PRAMEF17: variants seen among roughly 807,000 people sequenced by gnomAD.
PRAMEF17 encodes PRAME family member 17.
Under a neutral mutation model 36.8 loss-of-function variants are expected in PRAMEF17, and 48 were observed. The ratio of observed to expected loss-of-function variants is 1.30; its 90% confidence interval spans 1.03 to 1.66. The LOEUF (loss-of-function observed/expected upper bound fraction) is 1.66. Ranked by LOEUF, PRAMEF17 falls within the 40% of genes most tolerant of loss-of-function variation. PRAMEF17 has a pLI of 0.00. For missense variants in PRAMEF17, 639 were observed against 560.6 expected, an observed-to-expected ratio of 1.14 and a Z score of -1.41; for synonymous variants, 246 against 220.4, an observed-to-expected ratio of 1.12 and a Z score of -1.03.
In PRAMEF17 at chr1:13,392,531, C is replaced by A; in HGVS notation, c.*29C>A. The A allele has an allele frequency of 2.5e-5, 40 of 1,611,758 alleles. No homozygotes were observed. Among genetic ancestry groups the A allele is most frequent in the Non-Finnish European group, 3.2e-5 (38 of 1,179,796 alleles). On this transcript the variant is annotated 3_prime_UTR_variant, in exon 3 of 3. Coordinates refer to ENST00000376098, the MANE Select transcript of PRAMEF17 (RefSeq NM_001099851.3). ...AGGCCTGATTAGTGGGATGGATATG[C>A]TTTCTTCAGGACCCTTAGGCACTAA...
chr1:13,391,871 C>A, intron 2 of PRAMEF17, 73 bp from the exon 3 acceptor site: 4 of 1,580,320 alleles, frequency 2.5e-6, no homozygotes, highest in East Asian at 4.5e-5. Flanking sequence ...TTCAAGTTTA[C>A]CATTGAGATG....
intron 2 of PRAMEF17, 36 bp from the exon 3 acceptor site, chr1:13,391,908 C>T: frequency 6.2e-7 from 1 of 1,605,438 alleles, no homozygotes; most frequent in Non-Finnish European, 8.5e-7. Flanking sequence ...CTCCAACTGG[C>T]ACCATTGCCC....
Position 13,389,703 on chromosome 1 carries a change from A to G in PRAMEF17, c.46A>G (p.Ser16Gly). The G allele has an allele frequency of 6.2e-7, 1 of 1,612,084 alleles. No homozygotes were observed. The highest frequency in any genetic ancestry group is 1.1e-5 in the South Asian group (1 of 90,992). Residue 16 changes from serine to glycine, a missense_variant, in exon 1 of 3, where the codon AGC becomes GGC. Coordinates refer to ENST00000376098, the MANE Select transcript of PRAMEF17 (RefSeq NM_001099851.3). The part of the protein sequence containing the change: ...PSRLLELAGQ[S>G]LLRNQFLTIF... ...CAGACTCCTGGAGCTGGCAGGCCAG[A>G]GCCTGCTGAGGAACCAGTTCTTGAC... is the stretch of plus-strand genomic sequence containing the variant.
At position 13,390,010 on chromosome 1, in the gene PRAMEF17, G is replaced by A. The variant is rs1192503170; in HGVS notation, c.287+66G>A. ...TCCAGGGAAGGGACAGCTGGCTCAG[G>A]AGGAGTGGTGGGGTTGGGGAGCTAG... On this transcript the variant is annotated intron_variant, in intron 1 of 2. Coordinates refer to ENST00000376098, the MANE Select transcript of PRAMEF17 (RefSeq NM_001099851.3). 56 of 1,610,246 alleles carry A rather than the reference G, an allele frequency of 3.5e-5. No individual in the cohort carries two copies. The African/African-American group carries it at 3.9e-4, about 11-fold the overall frequency.
chr1:13,390,181 G>C (rs1359668853), intron 1 of PRAMEF17, among the ~76,000 whole-genome samples, 160 bp from the exon 2 acceptor site: 1 of 151,770 alleles, frequency 6.6e-6, no homozygotes, highest in Non-Finnish European at 1.5e-5. Flanking sequence ...CTAGAAGTGA[G>C]AACCAGGCAG....
In PRAMEF17 at chr1:13,392,183, T is replaced by C. The variant is rs1205689082; in HGVS notation, c.1106T>C (p.Leu369Pro). Residue 369 changes from leucine (L) to proline (P), a missense_variant, in exon 3 of 3, where the codon CTC becomes CCC. Physicochemically the swap from Leu to Pro is moderately conservative, Grantham distance 98. Coordinates refer to ENST00000376098, the MANE Select transcript of PRAMEF17 (RefSeq NM_001099851.3). ...ATCCAGGACTCCCAGCTCAGGGTCC[T>C]CCTGCCTGCCCTGAGCCGCTGCTCC... is the stretch of plus-strand genomic sequence containing the variant. ...CQIQDSQLRVLLPALSRCSQL... is the reference protein window; with the variant it reads ...CQIQDSQLRVPLPALSRCSQL... 24 of 1,611,870 alleles carry C rather than the reference T, an allele frequency of 1.5e-5. No homozygotes were observed. Among genetic ancestry groups the C allele is most frequent in the African/African-American group, 8.0e-5 (6 of 74,856 alleles).
At position 13,392,350 on chromosome 1, in the gene PRAMEF17, G is replaced by A. The variant is rs1256669771; in HGVS notation, c.1273G>A (p.Val425Ile). Residue 425 changes from valine (V) to isoleucine (I), a missense_variant, in exon 3 of 3, where the codon GTC becomes ATC. Coordinates refer to ENST00000376098, the MANE Select transcript of PRAMEF17 (RefSeq NM_001099851.3). ...PLECLDNRGHVNWEILAPIRA... is the reference protein window; with the variant it reads ...PLECLDNRGHINWEILAPIRA... ...GGAGTGTCTTGACAACAGGGGTCAT[G>A]TCAATTGGGAGATCCTCGCCCCAAT... 1.2e-6 allele frequency: 2 copies of A among 1,611,888 alleles called. No individual in the cohort carries two copies. The highest frequency in any genetic ancestry group is 2.7e-5 in the African/African-American group (2 of 74,852).
At position 13,392,336 on chromosome 1, in the gene PRAMEF17, A is replaced by G; in HGVS notation, c.1259A>G (p.Asp420Gly). The change falls in exon 3 of 3, where the codon GAC becomes GGC. Residue 420 changes from aspartate (D) to glycine (G), a missense_variant. By Grantham distance (94) the Asp-to-Gly change is moderately conservative. Coordinates refer to ENST00000376098, the MANE Select transcript of PRAMEF17 (RefSeq NM_001099851.3). ...TATCCTGCCCCTCTGGAGTGTCTTG[A>G]CAACAGGGGTCATGTCAATTGGGAG... is the stretch of plus-strand genomic sequence containing the variant. ...ELYPAPLECL[D>G]NRGHVNWEIL... is the part of the protein sequence containing the mutation. The G allele has an allele frequency of 6.2e-7, 1 of 1,611,956 alleles. No individual in the cohort carries two copies. The highest frequency in any genetic ancestry group is 8.5e-7 in the Non-Finnish European group (1 of 1,179,854).
At position 13,392,343 on chromosome 1, in the gene PRAMEF17, G is replaced by A. The variant is rs753549915; in HGVS notation, c.1266G>A (p.Arg422=). The A allele has an allele frequency of 2.0e-5, 32 of 1,611,876 alleles. No individual in the cohort carries two copies. The highest frequency in any genetic ancestry group is 1.7e-5 in the Admixed American group (1 of 59,982). ...YPAPLECLDN[R]GHVNWEILAP... ...CCCCTCTGGAGTGTCTTGACAACAGGGGTCATGTCAATTGGGAGATCCTCG... is the reference window on the plus strand; with the variant it reads ...CCCCTCTGGAGTGTCTTGACAACAGAGGTCATGTCAATTGGGAGATCCTCG... Residue 422 remains arginine (R), a synonymous_variant, in exon 3 of 3, where the codon AGG becomes AGA. Transcript: ENST00000376098.
Position 13,392,249 on chromosome 1 carries a change from C to T in PRAMEF17, c.1172C>T (p.Thr391Met), listed in dbSNP as rs537215214. ...TACTTTCGCGGAAATGAGACCTCCA[C>T]GAATGCTCTGAAAGACCTGCTGTGT... ...TFYFRGNETSTNALKDLLCHT... is the reference protein window; with the variant it reads ...TFYFRGNETSMNALKDLLCHT... Residue 391 changes from threonine (T) to methionine (M), a missense_variant, in exon 3 of 3, where the codon ACG becomes ATG. Thr to Met is a moderately conservative substitution (Grantham distance 81). Transcript: ENST00000376098. The T allele has an allele frequency of 7.8e-5, 125 of 1,611,932 alleles. No homozygotes were observed. Among genetic ancestry groups the T allele is most frequent in the East Asian group, 2.0e-4 (9 of 44,868 alleles).
chr1:13,390,951 C>T, intron 2 of PRAMEF17, 32 bp downstream of exon 2: 1 of 1,611,666 alleles, frequency 6.2e-7, no homozygotes, highest in East Asian at 2.2e-5. Flanking sequence ...TCTCTGCAGA[C>T]CATACCACAG....
In PRAMEF17 at chr1:13,392,078, C is replaced by T. The variant is rs1348961002; in HGVS notation, c.1001C>T (p.Thr334Ile). Residue 334 changes from threonine to isoleucine, a missense_variant, in exon 3 of 3, where the codon ACT becomes ATT. Physicochemically the swap from Thr to Ile is moderately conservative, Grantham distance 89 (BLOSUM62 -1). Transcript: ENST00000376098. ...CATCTGATTCATATCCTAATGTGGA[C>T]TACCAATCTTGAGCCCCTTGGAGCT... Reference protein sequence around the residue: ...ELHLIHILMWTTNLEPLGALL... With the variant: ...ELHLIHILMWITNLEPLGALL... 3.1e-6 allele frequency: 5 copies of T among 1,611,846 alleles called. No homozygotes were observed. The highest frequency in any genetic ancestry group is 8.5e-7 in the Non-Finnish European group (1 of 1,179,808).
At chr1:13,391,711 A>C (rs1279993844) in intron 2 of PRAMEF17, among the ~76,000 whole-genome samples, 1 of 152,164 alleles carries the variant, frequency 6.6e-6, no homozygotes, top group Non-Finnish European at 1.5e-5. Flanking sequence ...GCTGCCCCTG[A>C]ATGATCTGGG....
Position 13,390,780 on chromosome 1 carries a change from T to C in PRAMEF17, c.727T>C (p.Tyr243His), listed in dbSNP as rs1398123732. The change falls in exon 2 of 3, where the codon TAT becomes CAT. Residue 243 changes from tyrosine to histidine, a missense_variant. Transcript: ENST00000376098. ...TCGCAAACTCTTTTTAGCCTTCGGT[T>C]ATGACGATGAGTTATATGTAAGCGG... The part of the protein sequence containing the change: ...NLRKLFLAFG[Y>H]DDELYVSGQQ... 9 of 1,611,904 alleles carry C rather than the reference T, an allele frequency of 5.6e-6. No individual in the cohort carries two copies. Among genetic ancestry groups the C allele is most frequent in the African/African-American group, 2.7e-5 (2 of 74,860 alleles).
At position 13,392,286 on chromosome 1, in the gene PRAMEF17, G is replaced by A; in HGVS notation, c.1209G>A (p.Gly403=). The A allele has an allele frequency of 6.2e-7, 1 of 1,611,992 alleles. No homozygotes were observed. The highest frequency in any genetic ancestry group is 8.5e-7 in the Non-Finnish European group (1 of 1,179,862). ...AAGACCTGCTGTGTCACACAGGTGG[G>A]CTGAGCAAGTTAGGTCTGGAGTTGT... ...ALKDLLCHTG[G]LSKLGLELYP... The change falls in exon 3 of 3, where the codon GGG becomes GGA. Residue 403 remains glycine, a synonymous_variant. Transcript: ENST00000376098.
intron 1 of PRAMEF17, 96 bp downstream of exon 1, chr1:13,390,040 G>A (rs1458735049): frequency 1.3e-6 from 2 of 1,570,742 alleles, no homozygotes; most frequent in Admixed American, 1.8e-5. Context: ...AGCTAGGGTG[G>A]CTCAGAGGCT....
rs1413877363 is a variant in PRAMEF17 at position 13,390,787 on chromosome 1, A to G, written c.734A>G (p.Asp245Gly). The G allele has an allele frequency of 5.3e-5, 86 of 1,610,838 alleles. No individual in the cohort carries two copies. The African/African-American group carries it at 9.1e-4, about 17-fold the overall frequency. The change falls in exon 2 of 3, where the codon GAT becomes GGT. Residue 245 changes from aspartate (D) to glycine (G), a missense_variant. Transcript: ENST00000376098. ...CTCTTTTTAGCCTTCGGTTATGACG[A>G]TGAGTTATATGTAAGCGGCCAACAG... ...RKLFLAFGYDDELYVSGQQQF... is the reference protein window; with the variant it reads ...RKLFLAFGYDGELYVSGQQQF...
chr1:13,392,423 G>C lies in PRAMEF17; in HGVS notation c.1346G>C (p.Arg449Thr). 1.2e-6 allele frequency: 2 copies of C among 1,611,960 alleles called. No individual in the cohort carries two copies. Among genetic ancestry groups the C allele is most frequent in the Non-Finnish European group, 1.7e-6 (2 of 1,179,862 alleles). The change falls in exon 3 of 3, where the codon AGG becomes ACG. Residue 449 changes from arginine to threonine, a missense_variant. Coordinates refer to ENST00000376098, the MANE Select transcript of PRAMEF17 (RefSeq NM_001099851.3). The stretch of plus-strand genomic sequence containing the variant: ...CTCAGGGAAGTCAGGCAGCCCAAGA[G>C]GATCTTTTTTGGTCCCATCCCCTGC... ...CTLREVRQPK[R>T]IFFGPIPCPS...
In PRAMEF17 at chr1:13,390,482, G is replaced by A. The variant is rs758678714; in HGVS notation, c.429G>A (p.Glu143=). Reference sequence around the variant, plus strand: ...TGGAGGACTATCCAAGGACGGGAGAGCACCAGCCCTTGAAGGTGTTCATAG... The same window carrying A: ...TGGAGGACTATCCAAGGACGGGAGAACACCAGCCCTTGAAGGTGTTCATAG... The part of the protein sequence containing the change: ...QTVEDYPRTG[E]HQPLKVFIDL... Residue 143 remains glutamate (E), a synonymous_variant, in exon 2 of 3, where the codon GAG becomes GAA. Transcript: ENST00000376098. The A allele has an allele frequency of 2.5e-6, 4 of 1,611,976 alleles. No individual in the cohort carries two copies. Among genetic ancestry groups the A allele is most frequent in the African/African-American group, 1.3e-5 (1 of 74,960 alleles).
Sources: allele counts gnomAD v4.1 joint callset (sites outside exome capture counted in the v4.1 genomes callset), GRCh38; gene constraint gnomAD v4.1.1; transcripts MANE v1.5; gene names NCBI Gene and HGNC (gene_info 2026-07-23, HGNC 2026-07-21).